SLFN14: variants seen among roughly 807,000 people sequenced by gnomAD.
SLFN14 encodes protein SLFN14.
A neutral mutation model predicts 58.6 loss-of-function variants in SLFN14; 47 were observed. The ratio of observed to expected loss-of-function variants is 0.80; its 90% CI spans 0.64 to 1.02. SLFN14 has a LOEUF of 1.02. Ranked by LOEUF, SLFN14 falls within the 50% of genes least tolerant of loss-of-function variation. The pLI, the probability that SLFN14 is intolerant of heterozygous loss-of-function variation, is 0.00. For synonymous variants in SLFN14, 390 were observed against 387.3 expected, an observed-to-expected ratio of 1.01 and a Z score of -0.08; for missense variants, 967 against 1,078.4, an observed-to-expected ratio of 0.90 and a Z score of 1.45.
At chr17:35,553,626 T>G (rs2072619771) in intron 4 of SLFN14, 182 bp from the exon 5 acceptor site, 3 of 586,042 alleles carry the variant, frequency 5.1e-6, no homozygotes, top group South Asian at 2.3e-5. Flanking sequence ...CACGGACATT[T>G]GGCAATGTCT....
In SLFN14 at chr17:35,556,992, C is replaced by T; in HGVS notation, c.1060+11G>A. 1 of 1,540,870 alleles carries T rather than the reference C, an allele frequency of 6.5e-7. No individual in the cohort carries two copies. Among genetic ancestry groups the T allele is most frequent in the South Asian group, 1.2e-5 (1 of 82,428 alleles). On this transcript the variant is annotated intron_variant, in intron 3 of 5. Coordinates refer to ENST00000674182, the MANE Select transcript of SLFN14 (RefSeq NM_001129820.2). The stretch of plus-strand genomic sequence containing the variant: ...CCTGCTGATGGGGACAATGACTTCA[C>T]TTCCCTTTACCTGACTGAGTATCCA...
chr17:35,552,643 T>A, intron 5 of SLFN14, 87 bp downstream of exon 5: 1 of 451,814 alleles, frequency 2.2e-6, no homozygotes, highest in Non-Finnish European at 3.5e-6. Context: ...TATACATATA[T>A]ATATACACAT....
At chr17:35,551,724 C>T (rs545578219) in intron 5 of SLFN14, among the ~76,000 whole-genome samples, 7 of 152,252 alleles carry the variant, frequency 4.6e-5, no homozygotes, top group African/African-American at 1.4e-4. Context: ...TGCTAGCCGC[C>T]GAAAGAGGGG....
In SLFN14 at chr17:35,546,373, T is replaced by A. The variant is rs1315166989; in HGVS notation, c.*1866A>T. Among the ~76,000 whole-genome samples the A allele has an allele frequency of 6.6e-6, 1 of 152,174 alleles. No homozygotes were observed. Among genetic ancestry groups the A allele is most frequent in the Non-Finnish European group, 1.5e-5 (1 of 68,024 alleles). On this transcript the variant is annotated 3_prime_UTR_variant, in exon 6 of 6. Coordinates refer to ENST00000674182, the MANE Select transcript of SLFN14 (RefSeq NM_001129820.2). ...GGGAGAGGTTTTTCTTTTCAACCCG[T>A]GCCTAGGTACAGACTAGCCCTTCTA...
rs1316238622 is a variant in SLFN14, at chr17:35,546,233, A to G, written c.*2006T>C. On this transcript the variant is annotated 3_prime_UTR_variant, in exon 6 of 6. Transcript: ENST00000674182. ...TACATCAGAATGTCAATGCACTGGC[A>G]TCTTTTGCAAAACCGATTGCTGAAC... Among the ~76,000 whole-genome samples the G allele has an allele frequency of 6.6e-6, 1 of 152,192 alleles. No individual in the cohort carries two copies. The highest frequency in any genetic ancestry group is 2.4e-5 in the African/African-American group (1 of 41,456).
At position 35,553,020 on chromosome 17, in the gene SLFN14, C is replaced by T. The variant is rs1567712266; in HGVS notation, c.1614G>A (p.Glu538=). 6.4e-7 allele frequency: 1 copy of T among 1,551,630 alleles called. No homozygotes were observed. The highest frequency in any genetic ancestry group is 1.2e-5 in the South Asian group (1 of 84,050). Residue 538 remains glutamate, a synonymous_variant, in exon 5 of 6, where the codon GAG becomes GAA. Transcript: ENST00000674182. ...RYPRSYRLAD[E]EEMEDLLQAL... is the part of the protein sequence containing the mutation. Reference sequence around the variant, plus strand: ...CCTGCAGCAAGTCTTCCATTTCCTCCTCATCAGCAAGCCTGTAGGACCTGG... The same window carrying T: ...CCTGCAGCAAGTCTTCCATTTCCTCTTCATCAGCAAGCCTGTAGGACCTGG...
In SLFN14 at chr17:35,548,334, C is replaced by T; in HGVS notation, c.2644G>A (p.Glu882Lys). 6.4e-7 allele frequency: 1 copy of T among 1,551,718 alleles called. No individual in the cohort carries two copies. Among genetic ancestry groups the T allele is most frequent in the South Asian group, 1.2e-5 (1 of 84,062 alleles). Residue 882 changes from glutamate to lysine, a missense_variant, in exon 6 of 6, where the codon GAA becomes AAA. By Grantham distance (56) the Glu-to-Lys change is moderately conservative (BLOSUM62 1). Transcript: ENST00000674182. ...TGAAATTCCTCTGACTGGTCACATTCTGGACTAAGCCCAAACACGACAGTC... is the reference window on the plus strand; with the variant it reads ...TGAAATTCCTCTGACTGGTCACATTTTGGACTAAGCCCAAACACGACAGTC... ...ERTVVFGLSP[E>K]CDQSEEFHKL...
In SLFN14 at chr17:35,557,223, T is replaced by A; in HGVS notation, c.840A>T (p.Thr280=). 6.4e-7 allele frequency: 1 copy of A among 1,551,760 alleles called. No individual in the cohort carries two copies. The highest frequency in any genetic ancestry group is 8.7e-7 in the Non-Finnish European group (1 of 1,147,006). ...EIENCIEKLP[T]FHFCCEKPKV... is the part of the protein sequence containing the mutation. ...TTGGCTTCTCACAGCAGAAGTGGAA[T>A]GTAGGCAATTTTTCTATGCAGTTTT... Residue 280 remains threonine, a synonymous_variant, in exon 3 of 6, where the codon ACA becomes ACT. Transcript: ENST00000674182.
Position 35,548,724 on chromosome 17 carries a change from T to A in SLFN14, c.2254A>T (p.Asn752Tyr), listed in dbSNP as rs956783290. ...MKEEMKRIKE[N>Y]PPSNMSPDTL... Reference sequence around the variant, plus strand: ...TCTGGAGACATGTTGGAGGGAGGATTTTCTTTGATCCTCTTCATTTCTTCT... The same window carrying A: ...TCTGGAGACATGTTGGAGGGAGGATATTCTTTGATCCTCTTCATTTCTTCT... Residue 752 changes from asparagine (N) to tyrosine (Y), a missense_variant, in exon 6 of 6, where the codon AAT (asparagine) becomes TAT (tyrosine). Asn to Tyr is a moderately radical substitution (Grantham distance 143). Coordinates refer to ENST00000674182, the MANE Select transcript of SLFN14 (RefSeq NM_001129820.2). 1 of 1,551,726 alleles carries A rather than the reference T, an allele frequency of 6.4e-7. No individual in the cohort carries two copies. Among genetic ancestry groups the A allele is most frequent in the Non-Finnish European group, 8.7e-7 (1 of 1,146,992 alleles).
rs1342547055 is a variant in SLFN14 at position 35,552,661 on chromosome 17, CACATATATAT to C, written c.1904+59_1904+68del. 8.1e-4 allele frequency: 532 copies of C among 656,858 alleles called. 6 individuals carry two copies. In the African/African-American group the frequency reaches 0.011, roughly 13 times the overall value. 40.7% of individuals were successfully genotyped at this position (656,858 alleles called of 1,614,324 possible). A position where few individuals can be genotyped will look rare whatever the true frequency, so the allele number is the denominator to read the frequency against. On this transcript the variant is annotated intron_variant, in intron 5 of 5. Transcript: ENST00000674182. ...ACATATATATATACACATATATATA[CACATATATAT>C]ACACATATATATATACACATACATA...
Position 35,557,957 on chromosome 17 carries a change from A to T in SLFN14, c.106T>A (p.Cys36Ser). The T allele has an allele frequency of 6.4e-7, 1 of 1,551,694 alleles. No homozygotes were observed. Among genetic ancestry groups the T allele is most frequent in the Non-Finnish European group, 8.7e-7 (1 of 1,146,996 alleles). The change falls in exon 3 of 6, where the codon TGT (cysteine) becomes AGT (serine). Residue 36 changes from cysteine (C) to serine (S), a missense_variant. Physicochemically the swap from Cys to Ser is moderately radical, Grantham distance 112. Coordinates refer to ENST00000674182, the MANE Select transcript of SLFN14 (RefSeq NM_001129820.2). ...CTAGAATTCTCAGATCTTTTCAAACAGCTGTTGGTCATCTTCTTCCTGTTT... is the reference window on the plus strand; with the variant it reads ...CTAGAATTCTCAGATCTTTTCAAACTGCTGTTGGTCATCTTCTTCCTGTTT... ...EENRKKMTNS[C>S]LKRSENSRII...
At chr17:35,556,785 A>G (rs939745710) in intron 3 of SLFN14, among the ~76,000 whole-genome samples, 6 of 152,210 alleles carry the variant, frequency 3.9e-5, no homozygotes, top group Admixed American at 1.3e-4. Context: ...AAGAAAAAAA[A>G]GTTGTTTAGG....
At chr17:35,558,157 T>C in intron 2 of SLFN14, 51 bp from the exon 3 acceptor site, 1 of 1,122,790 alleles carries the variant, frequency 8.9e-7, no homozygotes, top group Non-Finnish European at 1.2e-6. Context: ...ATTCCAAAGA[T>C]TACAATATTT....
intron 2 of SLFN14, among the ~76,000 whole-genome samples, chr17:35,558,513 C>T (rs1418008359): frequency 2.6e-5 from 4 of 151,680 alleles, no homozygotes; most frequent in Non-Finnish European, 2.9e-5. Flanking sequence ...CTGCCTGGGC[C>T]TCCCTCCCAA....
Position 35,548,586 on chromosome 17 carries a change from C to T in SLFN14, c.2392G>A (p.Val798Met), listed in dbSNP as rs1194784656. The T allele has an allele frequency of 1.3e-6, 2 of 1,551,624 alleles. No homozygotes were observed. Among genetic ancestry groups the T allele is most frequent in the Non-Finnish European group, 1.7e-6 (2 of 1,147,012 alleles). Residue 798 changes from valine (V) to methionine (M), a missense_variant, in exon 6 of 6, where the codon GTG (valine) becomes ATG (methionine). Physicochemically the swap from Val to Met is conservative, Grantham distance 21. Transcript: ENST00000674182. ...AACAGGCTGTGACATTTTCTTGCCA[C>T]ATAGTTAGCTATTTGTTCTGTTGTC... ...NLTTEQIANY[V>M]ARKCHSLFQC...
Position 35,553,428 on chromosome 17 carries a change from T to C in SLFN14, c.1206A>G (p.Val402=), listed in dbSNP as rs1227122277. The C allele has an allele frequency of 1.9e-6, 3 of 1,545,356 alleles. No homozygotes were observed. Among genetic ancestry groups the C allele is most frequent in the African/African-American group, 2.7e-5 (2 of 72,788 alleles). The change falls in exon 5 of 6, where the codon GTA becomes GTG. Residue 402 remains valine (V), a synonymous_variant. Transcript: ENST00000674182. The part of the protein sequence containing the change: ...RHLFPVTQEE[V]QFKPESLCKK... Reference sequence around the variant, plus strand: ...TACAGAGGGATTCTGGTTTAAATTGTACCTCTTCCTGTGTCACTGAAAATT... The same window carrying C: ...TACAGAGGGATTCTGGTTTAAATTGCACCTCTTCCTGTGTCACTGAAAATT...
chr17:35,551,330 G>A (rs550675927), intron 5 of SLFN14, among the ~76,000 whole-genome samples: 4 of 152,302 alleles, frequency 2.6e-5, no homozygotes, highest in Admixed American at 6.5e-5. Context: ...CTTCCCACAC[G>A]AATAGTCTGC....
intron 2 of SLFN14, among the ~76,000 whole-genome samples, chr17:35,558,362 T>A (rs2142213451): frequency 6.6e-6 from 1 of 152,240 alleles, no homozygotes; most frequent in African/African-American, 2.4e-5. Context: ...ACCTCCCAGT[T>A]CAAGTGATTC....
chr17:35,556,561 T>C (rs890056851), intron 3 of SLFN14, among the ~76,000 whole-genome samples: 2 of 152,028 alleles, frequency 1.3e-5, no homozygotes, highest in African/African-American at 4.8e-5. Flanking sequence ...GGAGGTGAGT[T>C]GATCACTTGA....
Sources: allele counts gnomAD v4.1 joint callset (sites outside exome capture counted in the v4.1 genomes callset), GRCh38; gene constraint gnomAD v4.1.1; transcripts MANE v1.5; gene names NCBI Gene and HGNC (gene_info 2026-07-23, HGNC 2026-07-21).